The following PLXNA4 variants were observed in gnomAD, a reference collection of about 807,000 sequenced individuals.
PLXNA4 encodes plexin-A4.
A neutral mutation model predicts 191.8 loss-of-function variants in PLXNA4; 44 were observed. That is an observed-to-expected ratio of 0.23 (90% CI 0.18 to 0.29). PLXNA4 has a LOEUF of 0.29. PLXNA4 is among the 10% of genes least tolerant of loss of function. The probability of loss-of-function intolerance (pLI) is 1.00; values close to 1 mark genes in which losing one functional copy is unlikely to be tolerated. For missense variants in PLXNA4, 1,800 were observed against 2,488.8 expected (o/e 0.72, Z 5.89); for synonymous variants, 1,082 against 1,009.5 (o/e 1.07, Z -1.36).
chr7:132,579,171 C>T (rs1802352242), upstream of PLXNA4, among the ~76,000 whole-genome samples: 1 of 152,166 alleles, frequency 6.6e-6, no homozygotes, highest in African/African-American at 2.4e-5. Flanking sequence ...TCCATCACGG[C>T]CCATTTCCAG....
intron 5 of PLXNA4, among the ~76,000 whole-genome samples, chr7:132,234,596 TTGTGTGTGTGTG>T (rs60249306): frequency 0.011 from 1,520 of 144,252 alleles, 12 homozygotes; most frequent in Non-Finnish European, 0.014. Flanking sequence ...AGCATGTGTT[TTGTGTGTGTGTG>T]TGTGTGTGTG....
At chr7:132,320,652 TTTC>T (rs1802125173) in intron 3 of PLXNA4, among the ~76,000 whole-genome samples, 1 of 151,994 alleles carries the variant, frequency 6.6e-6, no homozygotes. Flanking sequence ...CTGAATGACC[TTTC>T]CCATGAATAA....
intron 3 of PLXNA4, among the ~76,000 whole-genome samples, chr7:132,390,359 T>C (rs1329477723): frequency 3.3e-5 from 5 of 151,048 alleles, no homozygotes; most frequent in African/African-American, 7.3e-5. Context: ...TAAGTGGGAG[T>C]TGAACAATGA....
At chr7:132,132,440 CTGTTCTGTTCTGTTCTGT>C (rs1563048151) in intron 31 of PLXNA4, among the ~76,000 whole-genome samples, 895 of 64,698 alleles carry the variant, frequency 0.014, 33 homozygotes, top group South Asian at 0.028. Flanking sequence ...CTGTTCTGTT[CTGTTCTGTTCTGTTCTGT>C]TCTGTTCTGC....
chr7:132,174,621 C>T (rs968397592), intron 21 of PLXNA4, among the ~76,000 whole-genome samples, 157 bp downstream of exon 21: 1 of 152,192 alleles, frequency 6.6e-6, no homozygotes, highest in Admixed American at 6.5e-5. Flanking sequence ...CCCACCTCTT[C>T]CAGAGGGATG....
chr7:132,401,365 G>A (rs961460319), intron 3 of PLXNA4, among the ~76,000 whole-genome samples: 7 of 152,240 alleles, frequency 4.6e-5, no homozygotes, highest in African/African-American at 1.7e-4. Context: ...GGACTAGGTT[G>A]CAGCCTGAGC....
intron 4 of PLXNA4, among the ~76,000 whole-genome samples, chr7:132,293,803 C>T (rs1300055507): frequency 6.6e-6 from 1 of 152,090 alleles, no homozygotes; most frequent in Non-Finnish European, 1.5e-5. Context: ...TTTAGGATGC[C>T]CTTCCACTAA....
chr7:132,350,810 A>G (rs1375391254), intron 3 of PLXNA4, among the ~76,000 whole-genome samples: 3 of 152,252 alleles, frequency 2.0e-5, no homozygotes, highest in African/African-American at 7.2e-5. Flanking sequence ...AAATGAAAAC[A>G]TATATCCAGA....
intron 4 of PLXNA4, among the ~76,000 whole-genome samples, chr7:132,280,545 T>A (rs13224851): frequency 0.081 from 12,316 of 152,270 alleles, 824 homozygotes; most frequent in Admixed American, 0.19. Flanking sequence ...TGGGGATTTC[T>A]TATCTGTCAG....
chr7:132,299,100 T>C (rs1014909591), intron 3 of PLXNA4, among the ~76,000 whole-genome samples: 4 of 152,170 alleles, frequency 2.6e-5, no homozygotes, highest in Admixed American at 2.6e-4. Flanking sequence ...AGTGCATAGA[T>C]CCAACATGAC....
intron 2 of PLXNA4, among the ~76,000 whole-genome samples, chr7:132,499,406 T>A (rs1798158057): frequency 6.6e-6 from 1 of 152,176 alleles, no homozygotes; most frequent in African/African-American, 2.4e-5. Context: ...CCCAGGGAAG[T>A]TTCTCAGCAT....
At chr7:132,268,725 TCC>T (rs377454332) in intron 4 of PLXNA4, among the ~76,000 whole-genome samples, 1 of 152,310 alleles carries the variant, frequency 6.6e-6, no homozygotes, top group African/African-American at 2.4e-5. Flanking sequence ...CTGCCAGGCT[TCC>T]TGGATGACAG....
At chr7:132,471,892 CTTGT>C (rs1235401706) in intron 3 of PLXNA4, among the ~76,000 whole-genome samples, 2 of 152,214 alleles carry the variant, frequency 1.3e-5, no homozygotes, top group African/African-American at 2.4e-5. Flanking sequence ...TGCTTTCTGG[CTTGT>C]TTGTTTTCTC....
chr7:132,645,263 T>A (rs1184361002), intron 2 of PLXNA4, among the ~76,000 whole-genome samples: 1 of 152,126 alleles, frequency 6.6e-6, no homozygotes, highest in African/African-American at 2.4e-5. Context: ...TCCTCACATA[T>A]CGAGGGAGGA....
chr7:132,140,403 C>A (rs993393368), intron 30 of PLXNA4, among the ~76,000 whole-genome samples, 196 bp downstream of exon 30: 1 of 152,134 alleles, frequency 6.6e-6, no homozygotes, highest in South Asian at 2.1e-4. Flanking sequence ...CAACCTCTGG[C>A]CAAGTTTTCC....
chr7:132,235,221 T>C (rs1033811399), intron 5 of PLXNA4, among the ~76,000 whole-genome samples: 1 of 152,176 alleles, frequency 6.6e-6, no homozygotes, highest in African/African-American at 2.4e-5. Flanking sequence ...CGAGGCCCTT[T>C]GGGCCACTTC....
At chr7:132,645,029 G>A (rs529404630) in intron 2 of PLXNA4, among the ~76,000 whole-genome samples, 2 of 152,322 alleles carry the variant, frequency 1.3e-5, no homozygotes, top group South Asian at 2.1e-4. Context: ...GGGTCAGGAA[G>A]CACTGGGATG....
intron 2 of PLXNA4, among the ~76,000 whole-genome samples, chr7:132,640,802 C>A (rs1474186085): frequency 1.3e-5 from 2 of 150,066 alleles, no homozygotes; most frequent in Non-Finnish European, 3.0e-5. Flanking sequence ...GGGGCCCTGC[C>A]AATTAAACAC....
chr7:132,230,781 T>A lies in PLXNA4; in HGVS notation c.1605-2312A>T, dbSNP rs1343586171. On this transcript the variant is annotated intron_variant, in intron 5 of 31. Transcript: ENST00000321063. ...AAATTATTCACTGACTCCCCAACTT[T>A]GAAGTTCCTATTTCTAAGAGCAATC... Among the ~76,000 whole-genome samples the A allele has an allele frequency of 2.0e-5, 3 of 152,340 alleles. No individual in the cohort carries two copies. In the East Asian group the frequency reaches 5.8e-4, roughly 29 times the overall value.
Sources: gnomAD v4.1 joint callset for allele counts (sites outside exome capture counted in the v4.1 genomes callset) on GRCh38, gnomAD v4.1.1 for gene constraint, MANE v1.5 for transcripts, NCBI Gene and HGNC (gene_info 2026-07-23, HGNC 2026-07-21) for gene names.